MRTFB: variants seen among roughly 807,000 people sequenced by gnomAD.
MRTFB encodes the protein myocardin related transcription factor B.
In MRTFB, 29 loss-of-function variants were observed where a neutral mutation model predicts 104.2. The observed-to-expected ratio is 0.28, with a 90% CI of 0.21 to 0.38. MRTFB has a LOEUF of 0.38. Ranked by LOEUF, MRTFB falls within the 10% of genes least tolerant of loss-of-function variation. The pLI is 1.00. For missense variants in MRTFB, 1,270 were observed against 1,341.6 expected (o/e 0.95, Z 0.83); for synonymous variants, 535 against 519.5 (o/e 1.03, Z -0.41).
chr16:14,066,769 C>G (rs1354926467), upstream of MRTFB, among the ~76,000 whole-genome samples: 1 of 151,520 alleles, frequency 6.6e-6, no homozygotes, highest in Non-Finnish European at 1.5e-5. Flanking sequence ...AACTCCCTCT[C>G]CCTCCCACCT....
chr16:14,256,107 T>C (rs1011806136), intron 15 of MRTFB, among the ~76,000 whole-genome samples: 9 of 110,552 alleles, frequency 8.1e-5, no homozygotes, highest in African/African-American at 4.3e-4. Flanking sequence ...AGCGAGACTG[T>C]CTCAAAAAAA....
rs1188706524 is a variant in MRTFB at position 14,177,705 on chromosome 16, C to G, written c.155-32538C>G. Among the ~76,000 whole-genome samples the G allele has an allele frequency of 1.3e-5, 2 of 151,934 alleles. No homozygotes were observed. The highest frequency in any genetic ancestry group is 2.9e-5 in the Non-Finnish European group (2 of 67,972). On this transcript the variant is annotated intron_variant, in intron 3 of 16. Transcript: ENST00000571589. The surrounding 1 kb of genome is among the most constrained non-coding windows in gnomAD (Gnocchi z 4.7). ...GGGCATGGTGGCATGAGCCTGTAGACCCAGCTACTGGGGAGGCTGAAGAGG... is the reference window on the plus strand; with the variant it reads ...GGGCATGGTGGCATGAGCCTGTAGAGCCAGCTACTGGGGAGGCTGAAGAGG...
At chr16:14,000,132 C>A in the MRTFB span, among the ~76,000 whole-genome samples, 2 of 152,108 alleles carry the variant, frequency 1.3e-5, no homozygotes, top group Admixed American at 6.6e-5. Context: ...CGGCTCTAAG[C>A]CTGACATTTC....
intron 3 of MRTFB, among the ~76,000 whole-genome samples, chr16:14,203,814 A>C: frequency 6.6e-6 from 1 of 151,732 alleles, no homozygotes; most frequent in Non-Finnish European, 1.5e-5. Context: ...GAAAAAAAAA[A>C]AAAAAAAAAA....
At chr16:14,199,058 A>G (rs2040564007) in intron 3 of MRTFB, among the ~76,000 whole-genome samples, 1 of 152,156 alleles carries the variant, frequency 6.6e-6, no homozygotes, top group African/African-American at 2.4e-5. Flanking sequence ...CAGCATCTTG[A>G]AAGCATGCTT....
chr16:14,019,864 C>T, the MRTFB span, among the ~76,000 whole-genome samples: 1 of 152,112 alleles, frequency 6.6e-6, no homozygotes, highest in Admixed American at 6.6e-5. Context: ...TGCTGCCCAA[C>T]ACAGAGGGAG....
chr16:14,051,434 C>T, the MRTFB span, among the ~76,000 whole-genome samples: 1 of 151,912 alleles, frequency 6.6e-6, no homozygotes, highest in East Asian at 1.9e-4. Context: ...CATACACACC[C>T]ATGGACATAC....
intron 2 of MRTFB, among the ~76,000 whole-genome samples, chr16:14,110,375 G>T (rs2036210192): frequency 6.6e-6 from 1 of 152,236 alleles, no homozygotes; most frequent in Non-Finnish European, 1.5e-5. Context: ...ATAAGAGGCG[G>T]TGGAGTAGTG....
intron 2 of MRTFB, among the ~76,000 whole-genome samples, chr16:14,100,942 C>T (rs78217585): frequency 0.013 from 2,020 of 152,220 alleles, 52 homozygotes; most frequent in African/African-American, 0.046. Context: ...TGTGTCTTCT[C>T]TCTTTTTTCC....
intron 3 of MRTFB, among the ~76,000 whole-genome samples, chr16:14,199,667 C>A (rs181980909): frequency 2.0e-5 from 3 of 152,310 alleles, no homozygotes; most frequent in Non-Finnish European, 4.4e-5. Context: ...TATCTCAAAT[C>A]TATTCATTAC....
chr16:14,231,996 T>C (rs1234949706), intron 8 of MRTFB, among the ~76,000 whole-genome samples: 1 of 152,182 alleles, frequency 6.6e-6, no homozygotes, highest in Non-Finnish European at 1.5e-5. Flanking sequence ...CACACTGAAA[T>C]ACCAAAAGAG....
chr16:14,087,560 C>T (rs1325326722), intron 2 of MRTFB, among the ~76,000 whole-genome samples: 2 of 152,166 alleles, frequency 1.3e-5, no homozygotes, highest in Non-Finnish European at 2.9e-5. Flanking sequence ...TTCATGCAAG[C>T]TTTTCCTTCT....
chr16:14,026,589 G>A, the MRTFB span, among the ~76,000 whole-genome samples: 2 of 152,088 alleles, frequency 1.3e-5, no homozygotes, highest in Non-Finnish European at 1.5e-5. Flanking sequence ...TAATGAAAGA[G>A]CCAGTCAAAA....
At chr16:14,013,714 G>A in the MRTFB span, among the ~76,000 whole-genome samples, 1 of 151,884 alleles carries the variant, frequency 6.6e-6, no homozygotes, top group African/African-American at 2.4e-5. Context: ...TACAACATCT[G>A]CTTTGCTTTC....
At chr16:14,039,595 A>G in the MRTFB span, among the ~76,000 whole-genome samples, 1 of 152,022 alleles carries the variant, frequency 6.6e-6, no homozygotes, top group East Asian at 1.9e-4. Flanking sequence ...GTACATATAT[A>G]TACATATATG....
At chr16:14,122,111 C>T (rs753420367) in intron 2 of MRTFB, among the ~76,000 whole-genome samples, 3 of 151,690 alleles carry the variant, frequency 2.0e-5, no homozygotes, top group South Asian at 2.1e-4. Flanking sequence ...CTGCCTTCCC[C>T]GTTCTTTCTC....
chr16:14,135,932 C>G (rs2037694873), intron 2 of MRTFB, among the ~76,000 whole-genome samples: 1 of 152,190 alleles, frequency 6.6e-6, no homozygotes, highest in African/African-American at 2.4e-5. Context: ...TCCTTGAAGA[C>G]TTCCCTAACT....
the MRTFB span, among the ~76,000 whole-genome samples, chr16:14,022,933 G>C: frequency 6.6e-6 from 1 of 152,080 alleles, no homozygotes; most frequent in East Asian, 1.9e-4. Context: ...CCGACCTCAA[G>C]TGACCACCGG....
At chr16:14,098,206 A>G (rs149646493) in intron 2 of MRTFB, among the ~76,000 whole-genome samples, 15 of 152,188 alleles carry the variant, frequency 9.9e-5, no homozygotes, top group African/African-American at 3.6e-4. Flanking sequence ...TCCCAACTGC[A>G]GTACATGAGA....
Sources: gnomAD v4.1 joint callset for allele counts (sites outside exome capture counted in the v4.1 genomes callset) on GRCh38, gnomAD v4.1.1 for gene constraint, Gnocchi (gnomAD v3.1) non-coding constraint, MANE v1.5 for transcripts, NCBI Gene and HGNC (gene_info 2026-07-23, HGNC 2026-07-21) for gene names.